The following ADCY8 variants were observed in gnomAD, a reference collection of about 807,000 sequenced individuals.
The protein encoded by ADCY8 is adenylate cyclase type 8.
In ADCY8, 51 loss-of-function variants were observed where a neutral mutation model predicts 119.7. The ratio of observed to expected loss-of-function variants is 0.43; its 90% CI spans 0.34 to 0.54. The LOEUF is 0.54. Among genes scored for constraint, ADCY8 ranks in the 20% least tolerant of loss-of-function variants. The pLI is 0.03. For synonymous variants in ADCY8, 665 were observed against 651.0 expected, an observed-to-expected ratio of 1.02 and a Z score of -0.33; for missense variants, 1,383 against 1,598.8, an observed-to-expected ratio of 0.87 and a Z score of 2.30.
intron 13 of ADCY8, among the ~76,000 whole-genome samples, chr8:130,815,692 A>G (rs1042719154): frequency 3.9e-5 from 6 of 152,236 alleles, no homozygotes; most frequent in Non-Finnish European, 8.8e-5. Context: ...TCATTAGTGA[A>G]AGGATTACAG....
chr8:130,983,025 C>T (rs1822285090), intron 2 of ADCY8, among the ~76,000 whole-genome samples: 1 of 152,158 alleles, frequency 6.6e-6, no homozygotes. Flanking sequence ...CAAATATATG[C>T]AGAGTGGGAG....
At chr8:130,914,005 T>A (rs1020392008) in intron 5 of ADCY8, among the ~76,000 whole-genome samples, 4 of 152,218 alleles carry the variant, frequency 2.6e-5, no homozygotes, top group Non-Finnish European at 5.9e-5. Flanking sequence ...TGCAGGGAGT[T>A]TATAACAGTG....
intron 5 of ADCY8, chr8:130,935,591 C>A (rs1216947736): frequency 6.6e-6 from 1 of 152,232 alleles, no homozygotes; most frequent in Admixed American, 6.5e-5. Context: ...CAACTGCACA[C>A]CCTACTCAAC....
Position 131,040,350 on chromosome 8 carries a change from G to A in ADCY8, c.-17C>T. The A allele has an allele frequency of 2.7e-6, 4 of 1,474,492 alleles. No homozygotes were observed. Among genetic ancestry groups the A allele is most frequent in the Non-Finnish European group, 3.6e-6 (4 of 1,119,292 alleles). The allele number at this position is 1,474,492 out of a possible 1,614,324, so 91.3% of individuals were successfully genotyped here. A position where few individuals can be genotyped will look rare whatever the true frequency, so the allele number is the denominator to read the frequency against. The stretch of plus-strand genomic sequence containing the variant: ...GAGCTCCATGGCTCTGGGCCGCAGG[G>A]AAGGAGGCCCAGAACCTTGGGGAGG... On this transcript the variant is annotated 5_prime_UTR_variant, in exon 1 of 18. Coordinates refer to ENST00000286355, the MANE Select transcript of ADCY8 (RefSeq NM_001115.3).
At chr8:130,825,958 G>T (rs557853033) in intron 12 of ADCY8, among the ~76,000 whole-genome samples, 3 of 152,258 alleles carry the variant, frequency 2.0e-5, no homozygotes, top group Admixed American at 6.5e-5. Flanking sequence ...GACTACTTCC[G>T]CAGGATCTTT....
intron 5 of ADCY8, among the ~76,000 whole-genome samples, chr8:130,926,309 G>GAAAA (rs112225613): frequency 2.1e-5 from 3 of 143,766 alleles, no homozygotes; most frequent in Non-Finnish European, 3.0e-5. Context: ...TTGTTTCCAG[G>GAAAA]AAAAAAAAAA....
intron 8 of ADCY8, among the ~76,000 whole-genome samples, chr8:130,869,580 T>A (rs973987698): frequency 2.7e-5 from 4 of 149,794 alleles, no homozygotes; most frequent in African/African-American, 4.9e-5. Flanking sequence ...TGCAGTGGTG[T>A]GATCTCGGTT....
chr8:130,821,818 T>C (rs1816519919), intron 12 of ADCY8, among the ~76,000 whole-genome samples: 3 of 152,282 alleles, frequency 2.0e-5, no homozygotes, highest in South Asian at 4.1e-4. Flanking sequence ...CCAGGCACAG[T>C]TCAACTCATC....
At chr8:131,022,307 GT>G (rs1340800477) in intron 1 of ADCY8, among the ~76,000 whole-genome samples, 4 of 152,026 alleles carry the variant, frequency 2.6e-5, no homozygotes, top group Non-Finnish European at 4.4e-5. Context: ...AGTGTGTGAT[GT>G]TACCCTCCCT....
intron 10 of ADCY8, among the ~76,000 whole-genome samples, 154 bp downstream of exon 10, chr8:130,849,448 C>T (rs1024983717): frequency 6.6e-6 from 1 of 152,188 alleles, no homozygotes; most frequent in South Asian, 2.1e-4. Flanking sequence ...GCAGTAGCCA[C>T]ATCTTTGTTA....
intron 6 of ADCY8, among the ~76,000 whole-genome samples, chr8:130,907,009 T>C (rs187917850): frequency 1.6e-4 from 24 of 152,162 alleles, no homozygotes; most frequent in African/African-American, 5.5e-4. Context: ...GAACTTTTAC[T>C]TTCAGCGTCT....
At chr8:130,785,549 C>G (rs1729229697) in intron 15 of ADCY8, 74 bp from the exon 16 acceptor site, 1 of 1,073,458 alleles carries the variant, frequency 9.3e-7, no homozygotes, top group Non-Finnish European at 1.3e-6. Flanking sequence ...GAAAACAGGC[C>G]CCTGGCTCAC....
chr8:131,031,083 T>C (rs1037440046), intron 1 of ADCY8, among the ~76,000 whole-genome samples: 3 of 152,178 alleles, frequency 2.0e-5, no homozygotes, highest in African/African-American at 4.8e-5. Context: ...ATTCCCTCTA[T>C]AGGAATATAT....
At chr8:130,813,972 T>C in intron 14 of ADCY8, 97 bp downstream of exon 14, 1 of 1,461,762 alleles carries the variant, frequency 6.8e-7, no homozygotes, top group African/African-American at 1.4e-5. Context: ...ACTCACATGA[T>C]GACAGTGAAA....
At chr8:130,920,575 C>G (rs1820271450) in intron 5 of ADCY8, among the ~76,000 whole-genome samples, 2 of 152,212 alleles carry the variant, frequency 1.3e-5, no homozygotes, top group African/African-American at 4.8e-5. Context: ...TTGATAGTCA[C>G]CCTGACTCAT....
intron 5 of ADCY8, among the ~76,000 whole-genome samples, chr8:130,936,458 C>A (rs569671449): frequency 6.6e-6 from 1 of 152,134 alleles, no homozygotes; most frequent in Non-Finnish European, 1.5e-5. Context: ...CTGCTGCCAG[C>A]CTACAGTCCA....
intron 12 of ADCY8, among the ~76,000 whole-genome samples, chr8:130,828,562 A>G (rs2130232843): frequency 6.6e-6 from 1 of 152,298 alleles, no homozygotes. Flanking sequence ...GATCCTTTCC[A>G]TGAGGCAGAT....
chr8:130,978,023 T>G (rs1342160628), intron 2 of ADCY8, among the ~76,000 whole-genome samples: 2 of 152,200 alleles, frequency 1.3e-5, no homozygotes, highest in Non-Finnish European at 2.9e-5. Context: ...GCAGGCCCTG[T>G]GCTCTGCACT....
At chr8:130,933,939 C>T (rs1302958568) in intron 5 of ADCY8, among the ~76,000 whole-genome samples, 1 of 152,164 alleles carries the variant, frequency 6.6e-6, no homozygotes, top group African/African-American at 2.4e-5. Flanking sequence ...CTGGTGGAGA[C>T]TTCAAAGTTG....
Sources: gnomAD v4.1 joint callset for allele counts (sites outside exome capture counted in the v4.1 genomes callset) on GRCh38, gnomAD v4.1.1 for gene constraint, MANE v1.5 for transcripts, NCBI Gene and HGNC (gene_info 2026-07-23, HGNC 2026-07-21) for gene names.